NFATC3: variants seen among roughly 807,000 people sequenced by gnomAD.
NFATC3 encodes nuclear factor of activated T cells 3.
NFATC3 carries 46 observed loss-of-function variants against 98.6 expected under a neutral mutation model. The ratio of observed to expected loss-of-function variants is 0.47; its 90% CI spans 0.37 to 0.60. The LOEUF is 0.60. Ranked by LOEUF, NFATC3 falls within the 20% of genes least tolerant of loss-of-function variation. NFATC3 has a pLI of 0.00. For synonymous variants in NFATC3, 512 were observed against 472.2 expected (o/e 1.08, Z -1.09); for missense variants, 1,256 against 1,295.5 (o/e 0.97, Z 0.47).
At position 68,226,498 on chromosome 16, in the gene NFATC3, C is replaced by G; in HGVS notation, c.*27C>G. The G allele has an allele frequency of 1.4e-6, 2 of 1,461,728 alleles. No homozygotes were observed. Among genetic ancestry groups the G allele is most frequent in the Non-Finnish European group, 1.8e-6 (2 of 1,109,758 alleles). 90.5% of individuals were successfully genotyped at this position (1,461,728 alleles called of 1,614,324 possible). ...AGTGCTTACTGCAGCCTTGTGTCCA[C>G]CACCAACTTCTCAGCATGTTTCTCT... On this transcript the variant is annotated 3_prime_UTR_variant, in exon 10 of 10. Coordinates refer to ENST00000346183, the MANE Select transcript of NFATC3 (RefSeq NM_173165.3).
chr16:68,126,429 T>C lies in NFATC3; in HGVS notation c.1239-19T>C, dbSNP rs1381609327. 1 of 1,597,248 alleles carries C rather than the reference T, an allele frequency of 6.3e-7. No individual in the cohort carries two copies. Among genetic ancestry groups the C allele is most frequent in the Non-Finnish European group, 8.6e-7 (1 of 1,167,878 alleles). On this transcript the variant is annotated intron_variant, in intron 2 of 9. Transcript: ENST00000346183. ...AATAATAGCATGGTGACATGCATCT[T>C]TGTGTGTTTTGTTTGTAGCACATCT...
intron 1 of NFATC3, among the ~76,000 whole-genome samples, chr16:68,107,511 T>G (rs887355698): frequency 3.3e-5 from 5 of 152,112 alleles, no homozygotes; most frequent in African/African-American, 1.2e-4. Flanking sequence ...TCAGTTGAGG[T>G]CAGGAGTTCA....
intron 5 of NFATC3, among the ~76,000 whole-genome samples, chr16:68,168,082 C>T (rs186179040): frequency 8.0e-4 from 122 of 152,060 alleles, no homozygotes; most frequent in Middle Eastern, 6.8e-3. Flanking sequence ...GATCCACCCG[C>T]GTTGGCCTCC....
intron 3 of NFATC3, among the ~76,000 whole-genome samples, chr16:68,140,250 G>A (rs984655519): frequency 3.3e-5 from 5 of 152,082 alleles, no homozygotes; most frequent in Non-Finnish European, 5.9e-5. Flanking sequence ...ACCCGCCCAC[G>A]TTGGGATTAC....
intron 9 of NFATC3, among the ~76,000 whole-genome samples, chr16:68,204,304 G>T (rs1423096931): frequency 6.6e-6 from 1 of 152,240 alleles, no homozygotes; most frequent in East Asian, 1.9e-4. Flanking sequence ...AGAGGTTGCA[G>T]TGAGCTGAGA....
intron 1 of NFATC3, among the ~76,000 whole-genome samples, chr16:68,121,093 A>G (rs966482687): frequency 2.2e-5 from 3 of 134,724 alleles, no homozygotes; most frequent in African/African-American, 1.0e-4. Flanking sequence ...AAATGGGCCA[A>G]AAAAAAAAAA....
chr16:68,172,486 G>A (rs2039510943), intron 5 of NFATC3, among the ~76,000 whole-genome samples: 1 of 152,148 alleles, frequency 6.6e-6, no homozygotes, highest in African/African-American at 2.4e-5. Flanking sequence ...TAGAGGTCAG[G>A]TATGCCGACT....
chr16:68,103,090 ATAT>A (rs1376331431), intron 1 of NFATC3, among the ~76,000 whole-genome samples: 1 of 151,758 alleles, frequency 6.6e-6, no homozygotes, highest in Non-Finnish European at 1.5e-5. Context: ...AAAACTCTAT[ATAT>A]TCTGGATACT....
chr16:68,088,117 A>G (rs2034489399), intron 1 of NFATC3, among the ~76,000 whole-genome samples: 1 of 151,996 alleles, frequency 6.6e-6, no homozygotes, highest in Admixed American at 6.6e-5. Flanking sequence ...ATTTTAGGAT[A>G]ATATATGCAG....
chr16:68,158,698 A>G (rs1413452983), intron 4 of NFATC3, among the ~76,000 whole-genome samples: 2 of 152,164 alleles, frequency 1.3e-5, no homozygotes, highest in African/African-American at 2.4e-5. Flanking sequence ...TGTGGTTTCC[A>G]TCCTAAAGAT....
intron 2 of NFATC3, among the ~76,000 whole-genome samples, chr16:68,124,434 T>C (rs1447160290): frequency 7.0e-6 from 1 of 141,944 alleles, no homozygotes; most frequent in Non-Finnish European, 1.6e-5. Context: ...TTTCTTTCTT[T>C]TTTTTTTTTT....
chr16:68,183,411 TG>T, intron 8 of NFATC3, 45 bp downstream of exon 8: 12 of 1,595,154 alleles, frequency 7.5e-6, no homozygotes, highest in Non-Finnish European at 1.0e-5. Context: ...TCTTTCCTAA[TG>T]AATAAAAAGT....
At chr16:68,134,277 T>G (rs2037272226) in intron 3 of NFATC3, among the ~76,000 whole-genome samples, 1 of 152,188 alleles carries the variant, frequency 6.6e-6, no homozygotes, top group Admixed American at 6.5e-5. Flanking sequence ...TCTTCCCACC[T>G]TGGCCTCCCA....
chr16:68,117,311 C>G (rs1335476297), intron 1 of NFATC3, among the ~76,000 whole-genome samples: 1 of 152,162 alleles, frequency 6.6e-6, no homozygotes, highest in Non-Finnish European at 1.5e-5. Flanking sequence ...TCAAAAATTC[C>G]TAATTGAGGA....
intron 6 of NFATC3, among the ~76,000 whole-genome samples, chr16:68,177,140 C>A (rs749200342): frequency 6.6e-6 from 1 of 151,594 alleles, no homozygotes; most frequent in Non-Finnish European, 1.5e-5. Context: ...CTCTGCCTCC[C>A]GGGTTCAAGT....
chr16:68,213,460 TAA>T (rs112296432), intron 9 of NFATC3, among the ~76,000 whole-genome samples: 14 of 147,384 alleles, frequency 9.5e-5, no homozygotes, highest in African/African-American at 3.5e-4. Context: ...AAATAAAAAT[TAA>T]AAAAAAAATA....
intron 1 of NFATC3, among the ~76,000 whole-genome samples, chr16:68,108,309 C>T (rs1483308584): frequency 6.6e-6 from 1 of 152,168 alleles, no homozygotes; most frequent in Non-Finnish European, 1.5e-5. Context: ...AGCCAGTTCT[C>T]CCAATACTAC....
At chr16:68,221,434 A>T (rs1410569357) in intron 9 of NFATC3, 1 of 1,410,962 alleles carries the variant, frequency 7.1e-7, no homozygotes, top group Non-Finnish European at 9.2e-7. Flanking sequence ...CCTAAAATTT[A>T]TATTCAGTGC....
At chr16:68,175,961 C>T (rs1446097894) in intron 6 of NFATC3, among the ~76,000 whole-genome samples, 2 of 152,046 alleles carry the variant, frequency 1.3e-5, no homozygotes, top group Non-Finnish European at 2.9e-5. Flanking sequence ...TCAAATGGAA[C>T]CATCATCTGA....
Sources: allele counts gnomAD v4.1 joint callset (sites outside exome capture counted in the v4.1 genomes callset), GRCh38; gene constraint gnomAD v4.1.1; transcripts MANE v1.5; gene names NCBI Gene and HGNC (gene_info 2026-07-23, HGNC 2026-07-21).